Variants in NDST4 observed in about 807,000 individuals in gnomAD.
NDST4 encodes the protein N-deacetylase and N-sulfotransferase 4.
A neutral mutation model predicts 100.8 loss-of-function variants in NDST4; 63 were observed. The ratio of observed to expected loss-of-function variants is 0.62; its 90% CI spans 0.51 to 0.77. The LOEUF is 0.77. Ranked by LOEUF, NDST4 falls within the 30% of genes least tolerant of loss-of-function variation. The probability of loss-of-function intolerance (pLI) is 0.00; values close to 1 mark genes in which losing one functional copy is unlikely to be tolerated. For missense variants in NDST4, 943 were observed against 1,018.4 expected, an observed-to-expected ratio of 0.93 and a Z score of 1.01; for synonymous variants, 377 against 361.8, an observed-to-expected ratio of 1.04 and a Z score of -0.48.
chr4:114,835,126 A>C (rs748332464), intron 11 of NDST4, among the ~76,000 whole-genome samples: 2 of 151,824 alleles, frequency 1.3e-5, no homozygotes, highest in Non-Finnish European at 2.9e-5. Flanking sequence ...TTCTGCTCTA[A>C]TTTTCTAATT....
rs969513846 is a variant in NDST4 at position 115,007,980 on chromosome 4, A to G, written c.979-30706T>C. ...AATAAAATTTATTTTTAAATCCACC[A>G]CACAATGGGCACTAAATTTCTTTAT... On this transcript the variant is annotated intron_variant, in intron 2 of 13. Coordinates refer to ENST00000264363, the MANE Select transcript of NDST4 (RefSeq NM_022569.3). 7.7e-5 allele frequency among the ~76,000 whole-genome samples: 10 copies of G among 129,448 alleles called. 1 individual carries two copies. Among genetic ancestry groups the G allele is most frequent in the African/African-American group, 1.8e-4 (6 of 34,094 alleles). 84.9% of individuals were successfully genotyped at this position (129,448 alleles called of 152,430 possible).
chr4:115,000,886 A>AT (rs1276316333), intron 2 of NDST4, among the ~76,000 whole-genome samples: 1 of 152,140 alleles, frequency 6.6e-6, no homozygotes, highest in Non-Finnish European at 1.5e-5. Flanking sequence ...AGACAATGAC[A>AT]TATTTGATGT....
chr4:114,886,464 T>C lies in NDST4; in HGVS notation c.1537-15514A>G, dbSNP rs958272256. On this transcript the variant is annotated intron_variant, in intron 6 of 13. Transcript: ENST00000264363. Reference sequence around the variant, plus strand: ...TAGCTGTTTATTGTTCATCTGCAAGTTATTCATTATTTTGTGTGGAAATAT... The same window carrying C: ...TAGCTGTTTATTGTTCATCTGCAAGCTATTCATTATTTTGTGTGGAAATAT... 3.3e-5 allele frequency among the ~76,000 whole-genome samples: 5 copies of C among 152,262 alleles called. No individual in the cohort carries two copies. In the South Asian group the frequency reaches 1.0e-3, roughly 32 times the overall value.
intron 2 of NDST4, among the ~76,000 whole-genome samples, chr4:114,997,251 A>G (rs900478786): frequency 6.6e-6 from 1 of 152,038 alleles, no homozygotes; most frequent in African/African-American, 2.4e-5. Flanking sequence ...AACTTCCACA[A>G]TGTTTTTCCA....
chr4:114,885,595 TC>T (rs1356217159), intron 6 of NDST4, among the ~76,000 whole-genome samples: 1 of 152,166 alleles, frequency 6.6e-6, no homozygotes, highest in Non-Finnish European at 1.5e-5. Flanking sequence ...CTTATAGATT[TC>T]TTGTATTTTT....
At chr4:114,921,674 A>G (rs892808694) in intron 6 of NDST4, among the ~76,000 whole-genome samples, 6 of 152,222 alleles carry the variant, frequency 3.9e-5, no homozygotes, top group African/African-American at 1.4e-4. Context: ...CAGAAGCACA[A>G]GGAACTTAGA....
At chr4:114,833,549 G>C in intron 12 of NDST4, 57 bp downstream of exon 12, 4 of 1,124,846 alleles carry the variant, frequency 3.6e-6, no homozygotes, top group Non-Finnish European at 5.4e-6. Context: ...ACACCTACCA[G>C]TGATAATTTA....
At chr4:115,027,030 G>T (rs1327070073) in intron 2 of NDST4, among the ~76,000 whole-genome samples, 1 of 152,136 alleles carries the variant, frequency 6.6e-6, no homozygotes, top group African/African-American at 2.4e-5. Flanking sequence ...ATAGAAAAAA[G>T]AAGTAACCTG....
chr4:114,859,441 G>GA (rs1168723925), intron 7 of NDST4, among the ~76,000 whole-genome samples: 3 of 152,136 alleles, frequency 2.0e-5, no homozygotes, highest in Non-Finnish European at 4.4e-5. Context: ...AGAATCATGA[G>GA]AAAAAATGTG....
chr4:115,085,288 T>C (rs1217147054), intron 1 of NDST4, among the ~76,000 whole-genome samples: 1 of 152,214 alleles, frequency 6.6e-6, no homozygotes, highest in Non-Finnish European at 1.5e-5. Context: ...AACTTACTTT[T>C]GATTATACAG....
rs33988343 is a variant in NDST4, at chr4:115,006,031, C to CAAAA, written c.979-28761_979-28758dup. On this transcript the variant is annotated intron_variant, in intron 2 of 13. Transcript: ENST00000264363. ...TGGGTGACAGAGTGAGACTCTATCT[C>CAAAA]AAAAAAAAAAAAAAAAAAGAAGAAG... is the stretch of plus-strand genomic sequence containing the variant. Among the ~76,000 whole-genome samples the CAAAA allele has an allele frequency of 6.4e-3, 637 of 99,432 alleles. 8 individuals carry two copies. Among genetic ancestry groups the CAAAA allele is most frequent in the African/African-American group, 0.022 (573 of 26,222 alleles). The allele number at this position is 99,432 out of a possible 152,430, so 65.2% of individuals were successfully genotyped here.
At chr4:115,003,761 G>A (rs995000858) in intron 2 of NDST4, among the ~76,000 whole-genome samples, 5 of 151,856 alleles carry the variant, frequency 3.3e-5, no homozygotes, top group Admixed American at 6.6e-5. Context: ...CCAGCTACTC[G>A]GGAGGCTGAG....
Position 115,082,936 on chromosome 4 carries a change from G to A in NDST4, c.-246-5654C>T, listed in dbSNP as rs76773814. On this transcript the variant is annotated intron_variant, in intron 1 of 13. Transcript: ENST00000264363. ...TGTCTACCAAAAATGGAGAAAAATT[G>A]TAGAGGTGAATTAAATTGATTTGAA... 3.0e-4 allele frequency among the ~76,000 whole-genome samples: 46 copies of A among 152,286 alleles called. 1 individual carries two copies. The East Asian group carries it at 7.9e-3, about 26-fold the overall frequency.
At chr4:114,919,894 T>C (rs1260991207) in intron 6 of NDST4, among the ~76,000 whole-genome samples, 1 of 152,172 alleles carries the variant, frequency 6.6e-6, no homozygotes, top group Non-Finnish European at 1.5e-5. Flanking sequence ...TGACAGTACT[T>C]ACTGATGAAT....
chr4:114,946,832 G>A (rs1048004707), intron 4 of NDST4, among the ~76,000 whole-genome samples: 2 of 152,038 alleles, frequency 1.3e-5, no homozygotes, highest in Non-Finnish European at 2.9e-5. Flanking sequence ...TAAAAACATT[G>A]TTATGATGAT....
intron 8 of NDST4, among the ~76,000 whole-genome samples, chr4:114,852,161 G>A (rs57252376): frequency 3.0e-4 from 46 of 152,224 alleles, no homozygotes; most frequent in African/African-American, 1.1e-3. Flanking sequence ...GTCCTTCAGT[G>A]CATGAGAGAA....
chr4:114,886,556 T>C (rs1277044564), intron 6 of NDST4, among the ~76,000 whole-genome samples: 1 of 152,110 alleles, frequency 6.6e-6, no homozygotes, highest in Non-Finnish European at 1.5e-5. Context: ...TTAAAGCTAA[T>C]ATAACAAAAA....
At chr4:115,042,490 G>A (rs1258590760) in intron 2 of NDST4, among the ~76,000 whole-genome samples, 2 of 152,126 alleles carry the variant, frequency 1.3e-5, no homozygotes, top group African/African-American at 4.8e-5. Flanking sequence ...ATAAGAGAGG[G>A]AGAGAGACTA....
intron 6 of NDST4, among the ~76,000 whole-genome samples, chr4:114,879,684 A>G (rs1479307034): frequency 6.6e-6 from 1 of 152,176 alleles, no homozygotes; most frequent in Non-Finnish European, 1.5e-5. Context: ...AAAAATATTT[A>G]TTGAATGAAC....
Sources: allele counts gnomAD v4.1 joint callset (sites outside exome capture counted in the v4.1 genomes callset), GRCh38; gene constraint gnomAD v4.1.1; transcripts MANE v1.5; gene names NCBI Gene and HGNC (gene_info 2026-07-23, HGNC 2026-07-21).